The following PIK3R6 variants were observed in gnomAD, a reference collection of about 807,000 sequenced individuals.
PIK3R6 encodes the protein phosphoinositide-3-kinase regulatory subunit 6.
In PIK3R6, 91 loss-of-function variants were observed where a neutral mutation model predicts 84.9. The ratio of observed to expected loss-of-function variants is 1.07; its 90% CI spans 0.90 to 1.28. The LOEUF (loss-of-function observed/expected upper bound fraction) is 1.28, where lower values mean the gene tolerates loss of function less well. PIK3R6 is among the 50% of genes most tolerant of loss of function. The pLI is 0.00. For missense variants in PIK3R6, 996 were observed against 985.1 expected (o/e 1.01, Z -0.15); for synonymous variants, 416 against 411.4 (o/e 1.01, Z -0.13).
intron 1 of PIK3R6, among the ~76,000 whole-genome samples, chr17:8,851,671 A>G (rs182123453): frequency 1.4e-3 from 209 of 152,326 alleles, no homozygotes; most frequent in African/African-American, 4.6e-3. Context: ...TGGGAATTCA[A>G]CATGGCATCG....
At chr17:8,806,829 A>C (rs537010174) in intron 18 of PIK3R6, among the ~76,000 whole-genome samples, 1 of 152,336 alleles carries the variant, frequency 6.6e-6, no homozygotes, top group South Asian at 2.1e-4. Context: ...CCATTCTTCA[A>C]GCTGTCTCTG....
rs562931068 is a variant in PIK3R6, at chr17:8,828,156, T to C, written c.1348A>G (p.Arg450Gly). 1.3e-5 allele frequency: 21 copies of C among 1,613,992 alleles called. No homozygotes were observed. In the East Asian group the frequency reaches 4.7e-4, roughly 36 times the overall value. The change falls in exon 12 of 20, where the codon AGA (arginine) becomes GGA (glycine). Residue 450 changes from arginine to glycine, a missense_variant. Transcript: ENST00000619866. ...ATGTAGTAGAGCTGCAGGCTGAGTC[T>C]GGGAGTGAGGCAGAACTTCTGGGTC... ...RETQKFCLTPRLSLQLYYIPV... is the reference protein window; with the variant it reads ...RETQKFCLTPGLSLQLYYIPV...
At chr17:8,819,895 TATGTGTATACATACATATATA>T (rs1567573957) in intron 17 of PIK3R6, among the ~76,000 whole-genome samples, 10 of 143,884 alleles carry the variant, frequency 7.0e-5, no homozygotes, top group African/African-American at 2.7e-4. Context: ...CACACGTATA[TATGTGTATACATACATATATA>T]TATTTTATAT....
rs1217560059 is a variant in PIK3R6 at position 8,862,821 on chromosome 17, C to T, written c.-92+4708G>A. Among the ~76,000 whole-genome samples, 7 of 152,284 alleles carry T rather than the reference C, an allele frequency of 4.6e-5. No homozygotes were observed. Among genetic ancestry groups the T allele is most frequent in the Non-Finnish European group, 7.3e-5 (5 of 68,036 alleles). ...GACTCCTGGCAGCCAAAATAGGCAG[C>T]GGGAAAGTGGCTGAGGGACAAATCC... On this transcript the variant is annotated intron_variant, in intron 1 of 19. Coordinates refer to ENST00000619866, the MANE Select transcript of PIK3R6 (RefSeq NM_001010855.4). This position sits in a 1 kb window ranked among gnomAD's most constrained non-coding sequence, Gnocchi z 4.3.
At chr17:8,856,391 C>T (rs1408712700) in intron 1 of PIK3R6, among the ~76,000 whole-genome samples, 1 of 152,220 alleles carries the variant, frequency 6.6e-6, no homozygotes, top group African/African-American at 2.4e-5. Context: ...CACTTGAGGT[C>T]AGGAGTTCGA....
At chr17:8,856,349 C>G (rs1210531844) in intron 1 of PIK3R6, among the ~76,000 whole-genome samples, 1 of 152,196 alleles carries the variant, frequency 6.6e-6, no homozygotes, top group Non-Finnish European at 1.5e-5. Context: ...CGCCTATAAT[C>G]CCAACACTTT....
chr17:8,859,344 G>A (rs902622956), intron 1 of PIK3R6, among the ~76,000 whole-genome samples: 2 of 152,176 alleles, frequency 1.3e-5, no homozygotes, highest in East Asian at 1.9e-4. Context: ...CATAATGACC[G>A]CAGGGTGGCT....
At chr17:8,820,466 T>C (rs1024145275) in intron 17 of PIK3R6, among the ~76,000 whole-genome samples, 2 of 151,788 alleles carry the variant, frequency 1.3e-5, no homozygotes, top group Non-Finnish European at 2.9e-5. Flanking sequence ...TAAGGTCACA[T>C]AGATAGTCAG....
At chr17:8,832,375 CTTTTTTTTTTTTTTT>C (rs759188865) in intron 9 of PIK3R6, among the ~76,000 whole-genome samples, 10 of 77,816 alleles carry the variant, frequency 1.3e-4, no homozygotes, top group South Asian at 1.1e-3. Flanking sequence ...TACCCACCTT[CTTTTTTTTTTTTTTT>C]TTTTTTTTTT....
At position 8,835,257 on chromosome 17, in the gene PIK3R6, C is replaced by T. The variant is rs777298691; in HGVS notation, c.645+16G>A. On this transcript the variant is annotated intron_variant, in intron 8 of 19. Transcript: ENST00000619866. ...GAGGGCTGGGACTGACAAGGGGCTG[C>T]AGGCAGGGCCATTACCTGCAGCTTC... 1.0e-5 allele frequency: 15 copies of T among 1,504,816 alleles called. 1 individual carries two copies. The highest frequency in any genetic ancestry group is 6.1e-5 in the Admixed American group (3 of 49,230). The allele number at this position is 1,504,816 out of a possible 1,614,324, so 93.2% of individuals were successfully genotyped here. A position where few individuals can be genotyped will look rare whatever the true frequency, so the allele number is the denominator to read the frequency against.
In PIK3R6 at chr17:8,835,497, A is replaced by C. The variant is rs768831431; in HGVS notation, c.462-41T>G. 2.0e-6 allele frequency: 3 copies of C among 1,491,492 alleles called. No individual in the cohort carries two copies. The Admixed American group carries it at 6.0e-5, about 30-fold the overall frequency. 92.4% of individuals were successfully genotyped at this position (1,491,492 alleles called of 1,614,324 possible). On this transcript the variant is annotated intron_variant, in intron 7 of 19. Coordinates refer to ENST00000619866, the MANE Select transcript of PIK3R6 (RefSeq NM_001010855.4). The stretch of plus-strand genomic sequence containing the variant: ...GAGGGGAGAGGTGGGATTGATAGTA[A>C]CTAATGGGAGAGGGGCCACCGGATG...
Position 8,828,178 on chromosome 17 carries a change from G to A in PIK3R6, c.1326C>T (p.Thr442=), listed in dbSNP as rs762897524. 1.1e-5 allele frequency: 17 copies of A among 1,613,836 alleles called. No homozygotes were observed. Among genetic ancestry groups the A allele is most frequent in the South Asian group, 2.2e-5 (2 of 91,088 alleles). ...QAYHRLRKRE[T]QKFCLTPRLS... The stretch of plus-strand genomic sequence containing the variant: ...GTCTGGGAGTGAGGCAGAACTTCTG[G>A]GTCTCCCGTTTCCTAGCAATGGGCA... Residue 442 remains threonine (T), a synonymous_variant, in exon 12 of 20, where the codon ACC becomes ACT. Coordinates refer to ENST00000619866, the MANE Select transcript of PIK3R6 (RefSeq NM_001010855.4).
chr17:8,829,567 TACACACACAGACACACTG>T (rs1434503294), intron 10 of PIK3R6, 121 bp downstream of exon 10: 6 of 795,424 alleles, frequency 7.5e-6, no homozygotes, highest in East Asian at 3.2e-5. Flanking sequence ...CATGCACACA[TACACACACAGACACACTG>T]ACACACACTC....
chr17:8,854,540 C>T (rs1289373549), intron 1 of PIK3R6, among the ~76,000 whole-genome samples: 1 of 152,092 alleles, frequency 6.6e-6, no homozygotes, highest in Non-Finnish European at 1.5e-5. Context: ...GGAAGCAGGC[C>T]CACACAGATA....
intron 7 of PIK3R6, 94 bp downstream of exon 7, chr17:8,836,453 C>T (rs2088469225): frequency 1.5e-6 from 2 of 1,370,416 alleles, no homozygotes. Flanking sequence ...CTTCTTAATC[C>T]AGCCTCCTCT....
Position 8,839,495 on chromosome 17 carries a change from T to C in PIK3R6, c.97+119A>G, listed in dbSNP as rs57194775. 106,350 of 725,302 alleles carry C rather than the reference T, an allele frequency of 0.15. 8,262 individuals are homozygous for C. The highest frequency in any genetic ancestry group is 0.16 in the Admixed American group (5,245 of 31,974). 44.9% of individuals were successfully genotyped at this position (725,302 alleles called of 1,614,324 possible). A position where few individuals can be genotyped will look rare whatever the true frequency, so the allele number is the denominator to read the frequency against. On this transcript the variant is annotated intron_variant, in intron 3 of 19. Transcript: ENST00000619866. This position sits in a 1 kb window ranked among gnomAD's most constrained non-coding sequence, Gnocchi z 4.2. ...TATTTCCAGCAGGAAAGGGGTTTGGTGAGACGACCCTTGCCCCCTGAGCTC... is the reference window on the plus strand; with the variant it reads ...TATTTCCAGCAGGAAAGGGGTTTGGCGAGACGACCCTTGCCCCCTGAGCTC...
chr17:8,813,660 G>C (rs1425802125), intron 18 of PIK3R6, among the ~76,000 whole-genome samples: 2 of 152,132 alleles, frequency 1.3e-5, no homozygotes, highest in African/African-American at 2.4e-5. Flanking sequence ...CAAAAATTAT[G>C]CAATTGTATT....
In PIK3R6 at chr17:8,823,368, C is replaced by T. The variant is rs1222623251; in HGVS notation, c.1626+19G>A. ...GGTGGGGTCCTGGGGTCCCTTGGAGCCTCCAGTGGGATGCTTACCTTGACT... is the reference window on the plus strand; with the variant it reads ...GGTGGGGTCCTGGGGTCCCTTGGAGTCTCCAGTGGGATGCTTACCTTGACT... On this transcript the variant is annotated intron_variant, in intron 14 of 19. Transcript: ENST00000619866. 2.6e-6 allele frequency: 4 copies of T among 1,542,748 alleles called. No homozygotes were observed. The highest frequency in any genetic ancestry group is 3.6e-6 in the Non-Finnish European group (4 of 1,119,084).
At chr17:8,831,921 T>C (rs1567591422) in intron 9 of PIK3R6, among the ~76,000 whole-genome samples, 1 of 152,208 alleles carries the variant, frequency 6.6e-6, no homozygotes, top group East Asian at 1.9e-4. Context: ...TGTGTCAGGG[T>C]AGGCATTATC....
Sources: allele counts gnomAD v4.1 joint callset (sites outside exome capture counted in the v4.1 genomes callset), GRCh38; gene constraint gnomAD v4.1.1; non-coding constraint Gnocchi (gnomAD v3.1); transcripts MANE v1.5; gene names NCBI Gene and HGNC (gene_info 2026-07-23, HGNC 2026-07-21).